FAM171B: variants seen among roughly 807,000 people sequenced by gnomAD.
The protein encoded by FAM171B is family with sequence similarity 171 member B, also known as protein FAM171B.
In FAM171B, 19 loss-of-function variants were observed where a neutral mutation model predicts 75.6. That is an observed-to-expected ratio of 0.25 (90% CI 0.18 to 0.37). The LOEUF (loss-of-function observed/expected upper bound fraction) is 0.37. Ranked by LOEUF, FAM171B falls within the 10% of genes least tolerant of loss-of-function variation. The pLI is 1.00. For missense variants in FAM171B, 848 were observed against 982.4 expected (o/e 0.86, Z 1.83); for synonymous variants, 367 against 361.7 (o/e 1.01, Z -0.17).
chr2:186,725,070 C>T (rs1300964422), intron 1 of FAM171B, among the ~76,000 whole-genome samples: 1 of 152,132 alleles, frequency 6.6e-6, no homozygotes, highest in Non-Finnish European at 1.5e-5. Flanking sequence ...GTAGGCCAGG[C>T]GCGATGGCTC....
intron 1 of FAM171B, among the ~76,000 whole-genome samples, chr2:186,729,969 GT>G (rs369063311): frequency 0.027 from 4,028 of 151,938 alleles, 183 homozygotes; most frequent in African/African-American, 0.091. Context: ...TGTCTTGTTT[GT>G]TTTTGAGACA....
intron 1 of FAM171B, among the ~76,000 whole-genome samples, 189 bp from the exon 2 acceptor site, chr2:186,740,039 A>G (rs561349671): frequency 7.9e-5 from 12 of 152,322 alleles, no homozygotes; most frequent in African/African-American, 2.9e-4. Context: ...TGGAGCACTT[A>G]ACTGTATTGA....
At chr2:186,715,076 A>AT (rs1251290464) in intron 1 of FAM171B, among the ~76,000 whole-genome samples, 1 of 152,220 alleles carries the variant, frequency 6.6e-6, no homozygotes, top group Admixed American at 6.5e-5. Context: ...TTCAATAGTC[A>AT]AATAGAGAGA....
chr2:186,694,883 T>G (rs959906686), intron 1 of FAM171B, among the ~76,000 whole-genome samples: 24 of 152,028 alleles, frequency 1.6e-4, no homozygotes, highest in African/African-American at 5.8e-4. Flanking sequence ...CACACCCCTT[T>G]TCACCATTTC....
chr2:186,761,265 C>G, intron 7 of FAM171B, 29 bp downstream of exon 7: 1 of 1,608,788 alleles, frequency 6.2e-7, no homozygotes, highest in Non-Finnish European at 8.5e-7. Context: ...ACACAGAAAA[C>G]TATCAAGTTA....
Position 186,762,792 on chromosome 2 carries a change from G to C in FAM171B, c.2450G>C (p.Arg817Pro). The C allele has an allele frequency of 6.2e-7, 1 of 1,612,734 alleles. No homozygotes were observed. Among genetic ancestry groups the C allele is most frequent in the Non-Finnish European group, 8.5e-7 (1 of 1,179,268 alleles). The change falls in exon 8 of 8, where the codon CGA becomes CCA. Residue 817 changes from arginine (R) to proline (P), a missense_variant. Physicochemically the swap from Arg to Pro is moderately radical, Grantham distance 103 (BLOSUM62 -2). Coordinates refer to ENST00000304698, the MANE Select transcript of FAM171B (RefSeq NM_177454.4). This position sits in a 1 kb window ranked among gnomAD's most constrained non-coding sequence, Gnocchi z 4.0. ...AGCAAGACTAACATCTGGAAGAAGC[G>C]AGAGGAACGCCCACTGATTCCCATA... The part of the protein sequence containing the change: ...RDSKTNIWKK[R>P]EERPLIPIN
At chr2:186,747,555 T>G (rs1690383962) in intron 4 of FAM171B, among the ~76,000 whole-genome samples, 1 of 152,110 alleles carries the variant, frequency 6.6e-6, no homozygotes, top group Non-Finnish European at 1.5e-5. Context: ...GTTATGATTA[T>G]TGTATAGCTT....
Position 186,762,038 on chromosome 2 carries a change from G to A in FAM171B, c.1696G>A (p.Gly566Arg). The A allele has an allele frequency of 1.9e-6, 3 of 1,613,660 alleles. No individual in the cohort carries two copies. Among genetic ancestry groups the A allele is most frequent in the Non-Finnish European group, 2.5e-6 (3 of 1,179,810 alleles). The change falls in exon 8 of 8, where the codon GGA becomes AGA. Residue 566 changes from glycine (G) to arginine (R), a missense_variant. Around this residue, in one of 3 missense-constraint regions of FAM171B, gnomAD observed 665 missense variants for 729.0 expected, o/e 0.91. Transcript: ENST00000304698. The surrounding 1 kb of genome is among the most constrained non-coding windows in gnomAD (Gnocchi z 4.0). ...TAAGTCAGCTACTTTGCCAAGAAAGGGACAGTTAGTCTATGGCCAATTGAT... is the reference window on the plus strand; with the variant it reads ...TAAGTCAGCTACTTTGCCAAGAAAGAGACAGTTAGTCTATGGCCAATTGAT... ...TAKSATLPRK[G>R]QLVYGQLMEP... is the part of the protein sequence containing the mutation.
At chr2:186,719,193 A>G (rs1459065407) in intron 1 of FAM171B, among the ~76,000 whole-genome samples, 2 of 152,222 alleles carry the variant, frequency 1.3e-5, no homozygotes, top group Non-Finnish European at 2.9e-5. Flanking sequence ...CTCTCCCAGC[A>G]TGGTGTGTCT....
intron 1 of FAM171B, among the ~76,000 whole-genome samples, chr2:186,705,976 C>T (rs1329630432): frequency 6.6e-6 from 1 of 152,136 alleles, no homozygotes; most frequent in Non-Finnish European, 1.5e-5. Context: ...ACCCTTTGTT[C>T]AGAATTCATT....
At chr2:186,709,828 G>T (rs921056111) in intron 1 of FAM171B, among the ~76,000 whole-genome samples, 9 of 152,190 alleles carry the variant, frequency 5.9e-5, no homozygotes, top group Admixed American at 5.9e-4. Flanking sequence ...GTTAATTATT[G>T]TGGTTGCAGT....
At chr2:186,717,995 TAAATG>T (rs1689897801) in intron 1 of FAM171B, among the ~76,000 whole-genome samples, 1 of 152,166 alleles carries the variant, frequency 6.6e-6, no homozygotes, top group Admixed American at 6.5e-5. Flanking sequence ...TTATTATAAA[TAAATG>T]AATATTATTT....
intron 1 of FAM171B, among the ~76,000 whole-genome samples, chr2:186,721,628 T>C (rs1022516291): frequency 6.6e-6 from 1 of 152,214 alleles, no homozygotes; most frequent in Non-Finnish European, 1.5e-5. Flanking sequence ...TATACAATTC[T>C]CTAAACTCTC....
chr2:186,699,793 T>G (rs1244450131), intron 1 of FAM171B, among the ~76,000 whole-genome samples: 1 of 152,180 alleles, frequency 6.6e-6, no homozygotes, highest in Non-Finnish European at 1.5e-5. Context: ...TTGATTTGAT[T>G]TTTGTATATG....
chr2:186,728,944 T>C (rs926301362), intron 1 of FAM171B, among the ~76,000 whole-genome samples: 12 of 152,214 alleles, frequency 7.9e-5, no homozygotes, highest in Non-Finnish European at 1.6e-4. Context: ...AGCAGTATTT[T>C]TAAAGCCCTT....
chr2:186,752,984 A>ACAATAC (rs1443640122), intron 5 of FAM171B, among the ~76,000 whole-genome samples: 2 of 152,218 alleles, frequency 1.3e-5, no homozygotes, highest in African/African-American at 4.8e-5. Context: ...TTCTATAAGA[A>ACAATAC]CAATACCAAC....
intron 3 of FAM171B, among the ~76,000 whole-genome samples, chr2:186,744,124 T>A (rs1424186734): frequency 1.3e-5 from 2 of 152,230 alleles, no homozygotes; most frequent in Non-Finnish European, 2.9e-5. Context: ...TGAAGATGAT[T>A]GTTTCATCCT....
At chr2:186,697,135 G>A (rs569190064) in intron 1 of FAM171B, among the ~76,000 whole-genome samples, 12 of 152,270 alleles carry the variant, frequency 7.9e-5, no homozygotes, top group Admixed American at 7.2e-4. Context: ...AAAGATAAAC[G>A]TTATGTAGGA....
At chr2:186,743,383 A>G (rs567002956) in intron 2 of FAM171B, 100 bp from the exon 3 acceptor site, 3 of 722,926 alleles carry the variant, frequency 4.1e-6, no homozygotes. Flanking sequence ...GTTCCCCCCC[A>G]CAACACACTT....
Sources: allele counts gnomAD v4.1 joint callset (sites outside exome capture counted in the v4.1 genomes callset), GRCh38; gene constraint gnomAD v4.1.1; regional missense constraint gnomAD v4.1.1; non-coding constraint Gnocchi (gnomAD v3.1); transcripts MANE v1.5; gene names NCBI Gene and HGNC (gene_info 2026-07-23, HGNC 2026-07-21).